The following WDPCP variants were observed in gnomAD, a reference collection of about 807,000 sequenced individuals.
WDPCP encodes the protein WD repeat containing planar cell polarity effector.
In WDPCP, 71 loss-of-function variants were observed where a neutral mutation model predicts 93.1. The observed-to-expected ratio is 0.76, with a 90% confidence interval of 0.63 to 0.93. The LOEUF is 0.93. WDPCP is among the 40% of genes least tolerant of loss of function. The pLI is 0.00. For synonymous variants in WDPCP, 315 were observed against 315.0 expected (o/e 1.00, Z 0.00); for missense variants, 844 against 887.4 (o/e 0.95, Z 0.62).
chr2:63,773,124 T>A (rs1447448758), intron 2 of WDPCP, among the ~76,000 whole-genome samples: 1 of 152,100 alleles, frequency 6.6e-6, no homozygotes, highest in Non-Finnish European at 1.5e-5. Flanking sequence ...AATATGTACA[T>A]ATGTATGCCA....
At chr2:63,503,177 T>C (rs917212454) in intron 1 of WDPCP, among the ~76,000 whole-genome samples, 3 of 152,350 alleles carry the variant, frequency 2.0e-5, no homozygotes, top group East Asian at 3.9e-4. Flanking sequence ...TTCCGTATTA[T>C]AAGCAGTTTT....
At chr2:63,715,607 T>C (rs1351329952) in intron 2 of WDPCP, among the ~76,000 whole-genome samples, 1 of 152,210 alleles carries the variant, frequency 6.6e-6, no homozygotes, top group Non-Finnish European at 1.5e-5. Context: ...TGAGATTAAA[T>C]TTTTTCATGC....
intron 2 of WDPCP, among the ~76,000 whole-genome samples, chr2:63,753,300 G>A (rs1669910404): frequency 2.6e-5 from 4 of 152,010 alleles, no homozygotes; most frequent in East Asian, 1.9e-4. Context: ...ATGATGGTAG[G>A]TGCCTGTAAT....
chr2:63,215,970 T>C (rs888615609), intron 14 of WDPCP, among the ~76,000 whole-genome samples: 12 of 152,252 alleles, frequency 7.9e-5, no homozygotes, highest in African/African-American at 1.7e-4. Context: ...TCGTCATCAC[T>C]GGCCATCAGA....
intron 13 of WDPCP, among the ~76,000 whole-genome samples, chr2:63,283,363 T>C (rs1469728965): frequency 6.6e-6 from 1 of 152,202 alleles, no homozygotes; most frequent in Non-Finnish European, 1.5e-5. Flanking sequence ...CTTTTATAAT[T>C]TTACAAGTAG....
intron 2 of WDPCP, among the ~76,000 whole-genome samples, chr2:63,799,222 T>G (rs1329390013): frequency 6.6e-6 from 1 of 152,186 alleles, no homozygotes; most frequent in African/African-American, 2.4e-5. Context: ...AAATCTAGCC[T>G]ATGAAGAAAT....
intron 2 of WDPCP, among the ~76,000 whole-genome samples, chr2:63,786,281 G>A (rs1670466331): frequency 6.6e-6 from 1 of 152,038 alleles, no homozygotes; most frequent in East Asian, 1.9e-4. Flanking sequence ...CAAAGTGCTG[G>A]GATTACAGGT....
At chr2:63,721,792 C>G (rs888556226) in intron 2 of WDPCP, among the ~76,000 whole-genome samples, 1 of 151,356 alleles carries the variant, frequency 6.6e-6, no homozygotes, top group African/African-American at 2.4e-5. Flanking sequence ...CATGCTGAGC[C>G]GAAGCTGGAC....
At chr2:63,123,903 T>G (rs1425886190) in intron 17 of WDPCP, among the ~76,000 whole-genome samples, 1 of 150,818 alleles carries the variant, frequency 6.6e-6, no homozygotes, top group Non-Finnish European at 1.5e-5. Context: ...GTATCTTTTC[T>G]TTTCTTTTTT....
At chr2:63,594,056 G>A (rs1709255386) in intron 3 of WDPCP, among the ~76,000 whole-genome samples, 1 of 152,094 alleles carries the variant, frequency 6.6e-6, no homozygotes, top group Non-Finnish European at 1.5e-5. Context: ...AAATGTTTTG[G>A]CTCAATGTAA....
chr2:63,282,173 A>G (rs563406364), intron 13 of WDPCP, among the ~76,000 whole-genome samples: 3 of 152,328 alleles, frequency 2.0e-5, no homozygotes, highest in African/African-American at 7.2e-5. Flanking sequence ...AAAATATAAT[A>G]CAAAGTTATG....
intron 6 of WDPCP, among the ~76,000 whole-genome samples, chr2:63,481,669 C>A (rs1342411698): frequency 1.3e-5 from 2 of 151,774 alleles, no homozygotes; most frequent in Non-Finnish European, 2.9e-5. Flanking sequence ...TATATTCTCA[C>A]TTATAAGTGG....
At chr2:63,804,691 T>C (rs1670738889) in intron 2 of WDPCP, among the ~76,000 whole-genome samples, 1 of 151,708 alleles carries the variant, frequency 6.6e-6, no homozygotes, top group Non-Finnish European at 1.5e-5. Flanking sequence ...TACAACTCCC[T>C]CTCCCTCAGG....
At chr2:63,303,652 T>A (rs965798551) in intron 13 of WDPCP, among the ~76,000 whole-genome samples, 1 of 152,110 alleles carries the variant, frequency 6.6e-6, no homozygotes, top group Non-Finnish European at 1.5e-5. Flanking sequence ...CAACAGACAG[T>A]GGGGCTAAGT....
intron 1 of WDPCP, among the ~76,000 whole-genome samples, chr2:63,819,918 G>A (rs1203640223): frequency 6.6e-6 from 1 of 152,138 alleles, no homozygotes; most frequent in Non-Finnish European, 1.5e-5. Flanking sequence ...TCTCCTATGA[G>A]AGCTCACAGA....
chr2:63,158,971 TA>T (rs1672455242), intron 15 of WDPCP, among the ~76,000 whole-genome samples: 2 of 30,454 alleles, frequency 6.6e-5, no homozygotes, highest in African/African-American at 2.9e-4. Context: ...ACCTCATCTC[TA>T]CAAAAAAAAA....
chr2:63,610,841 C>A lies in WDPCP; in HGVS notation n.488+39818G>T, dbSNP rs549272160. 2.0e-5 allele frequency among the ~76,000 whole-genome samples: 3 copies of A among 152,296 alleles called. No homozygotes were observed. In the South Asian group the frequency reaches 6.2e-4, roughly 32 times the overall value. On this transcript the variant is annotated intron_variant and non_coding_transcript_variant, in intron 3 of 4. Transcript: ENST00000467687. ...AGGCACAGTGGCTCATGCCTGTAAT[C>A]TCAGCACTTTGGGGGACCCAGGCAG...
intron 1 of WDPCP, among the ~76,000 whole-genome samples, chr2:63,568,754 G>A (rs781517624): frequency 6.6e-6 from 1 of 152,182 alleles, no homozygotes; most frequent in Non-Finnish European, 1.5e-5. Context: ...AGTAACTTGT[G>A]GAATGCTAAG....
At chr2:63,436,347 T>C (rs1280362525) in intron 8 of WDPCP, among the ~76,000 whole-genome samples, 1 of 152,124 alleles carries the variant, frequency 6.6e-6, no homozygotes, top group Admixed American at 6.6e-5. Context: ...AGATGGTAGT[T>C]TATCACCACA....
Sources: allele counts gnomAD v4.1 joint callset (sites outside exome capture counted in the v4.1 genomes callset), GRCh38; gene constraint gnomAD v4.1.1; transcripts MANE v1.5; gene names NCBI Gene and HGNC (gene_info 2026-07-23, HGNC 2026-07-21).